Variants in MAP7D1 observed in about 807,000 individuals in gnomAD.
MAP7D1 encodes the protein MAP7 domain containing 1, also known as MAP7 domain-containing protein 1.
MAP7D1 carries 30 observed loss-of-function variants against 97.5 expected under a neutral mutation model. The observed-to-expected ratio is 0.31, with a 90% CI of 0.23 to 0.42. The LOEUF (loss-of-function observed/expected upper bound fraction) is 0.42. Among genes scored for constraint, MAP7D1 ranks in the 10% least tolerant of loss-of-function variants. MAP7D1 has a pLI of 1.00. For synonymous variants in MAP7D1, 536 were observed against 477.1 expected (o/e 1.12, Z -1.61); for missense variants, 1,184 against 1,179.5 (o/e 1.00, Z -0.06).
In MAP7D1 at chr1:36,179,692, TC is replaced by T; in HGVS notation, c.2258del (p.Pro753GlnfsTer32). On this transcript the variant is annotated frameshift_variant, in exon 15 of 17. Transcript: ENST00000474796. LOFTEE classifies it high-confidence loss of function. ...PEPVKAVEAR[S>X]PGLQKEAVQK... ...GCCTGTGAAAGCTGTGGAGGCTCGG[TC>T]CCCAGGGCTGCAGAAGGAGGCTGTG... is the stretch of plus-strand genomic sequence containing the variant. The T allele has an allele frequency of 6.6e-7, 1 of 1,517,870 alleles. No homozygotes were observed. Among genetic ancestry groups the T allele is most frequent in the Non-Finnish European group, 8.8e-7 (1 of 1,132,322 alleles). The allele number at this position is 1,517,870 out of a possible 1,614,324, so 94.0% of individuals were successfully genotyped here. A position where few individuals can be genotyped will look rare whatever the true frequency, so the allele number is the denominator to read the frequency against.
At chr1:36,164,790 A>C (rs940056186) in intron 1 of MAP7D1, among the ~76,000 whole-genome samples, 1 of 152,176 alleles carries the variant, frequency 6.6e-6, no homozygotes, top group African/African-American at 2.4e-5. Context: ...TGCTCAGTGG[A>C]GCAGAGAGTG....
At chr1:36,168,319 T>C (rs1471546870) in intron 1 of MAP7D1, among the ~76,000 whole-genome samples, 1 of 149,040 alleles carries the variant, frequency 6.7e-6, no homozygotes, top group Non-Finnish European at 1.5e-5. Context: ...AAAGCCCAAC[T>C]CTGCCACATA....
intron 6 of MAP7D1, 33 bp downstream of exon 6, chr1:36,175,041 G>C: frequency 1.4e-6 from 2 of 1,420,518 alleles, no homozygotes; most frequent in Non-Finnish European, 2.0e-6. Context: ...CCCCTCCAGA[G>C]CCCCTTGTAG....
intron 6 of MAP7D1, among the ~76,000 whole-genome samples, chr1:36,175,950 G>A (rs1644611668): frequency 6.6e-6 from 1 of 152,214 alleles, no homozygotes; most frequent in African/African-American, 2.4e-5. Flanking sequence ...TTCACCTGGG[G>A]AGCGTTGTAG....
chr1:36,161,187 G>A (rs1212487583), intron 1 of MAP7D1, among the ~76,000 whole-genome samples: 2 of 152,206 alleles, frequency 1.3e-5, no homozygotes, highest in African/African-American at 2.4e-5. Context: ...TGGTCCCAGT[G>A]CCCCACTGCC....
intron 1 of MAP7D1, among the ~76,000 whole-genome samples, 184 bp downstream of exon 1, chr1:36,156,647 GC>G (rs1644334338): frequency 6.6e-6 from 1 of 152,110 alleles, no homozygotes; most frequent in Non-Finnish European, 1.5e-5. Context: ...TCTGACAGCT[GC>G]CCCCTCCCCC....
At chr1:36,164,617 G>A (rs374650105) in intron 1 of MAP7D1, among the ~76,000 whole-genome samples, 2 of 152,172 alleles carry the variant, frequency 1.3e-5, no homozygotes, top group Non-Finnish European at 2.9e-5. Context: ...GAGAGCAAGC[G>A]GGGAGCAGGG....
At position 36,159,239 on chromosome 1, in the gene MAP7D1, G is replaced by T. The variant is rs1451987561; in HGVS notation, c.46+2776G>T. ...CGCCCGGCTAATTTTTGTATTTTTA[G>T]TAGAGACAGGGTTTTGCCACATTGG... On this transcript the variant is annotated intron_variant, in intron 1 of 16. Transcript: ENST00000474796. The surrounding 1 kb of genome is among the most constrained non-coding windows in gnomAD (Gnocchi z 5.4). 6.6e-6 allele frequency among the ~76,000 whole-genome samples: 1 copy of T among 152,120 alleles called. No individual in the cohort carries two copies. The highest frequency in any genetic ancestry group is 1.5e-5 in the Non-Finnish European group (1 of 68,024).
rs1438090593 is a variant in MAP7D1 at position 36,180,298 on chromosome 1, C to T, written c.*40C>T. On this transcript the variant is annotated 3_prime_UTR_variant, in exon 17 of 17. Transcript: ENST00000474796. ...GATCCGGGCACAGTTGTGAGGGCTC[C>T]TCTGCATCACCTACCAGGATGTCTG... 2.5e-6 allele frequency: 4 copies of T among 1,613,582 alleles called. No individual in the cohort carries two copies. The highest frequency in any genetic ancestry group is 2.2e-5 in the East Asian group (1 of 44,876).
intron 1 of MAP7D1, among the ~76,000 whole-genome samples, chr1:36,167,322 C>T (rs562776258): frequency 2.5e-4 from 38 of 152,218 alleles, no homozygotes; most frequent in Non-Finnish European, 3.7e-4. Context: ...GACAGTGTTT[C>T]AAGGAGCAGT....
At chr1:36,161,716 G>C (rs990853262) in intron 1 of MAP7D1, among the ~76,000 whole-genome samples, 1 of 152,202 alleles carries the variant, frequency 6.6e-6, no homozygotes, top group Admixed American at 6.5e-5. Context: ...TAAATATTCC[G>C]GGGACATTGT....
intron 6 of MAP7D1, among the ~76,000 whole-genome samples, chr1:36,175,722 G>A (rs1238330056): frequency 6.6e-6 from 1 of 152,200 alleles, no homozygotes; most frequent in African/African-American, 2.4e-5. Context: ...CCTAGGGCAG[G>A]CAGGCACCCT....
chr1:36,178,789 C>T lies in MAP7D1; in HGVS notation c.1991C>T (p.Ala664Val). 6.5e-7 allele frequency: 1 copy of T among 1,547,370 alleles called. No individual in the cohort carries two copies. The highest frequency in any genetic ancestry group is 2.5e-5 in the East Asian group (1 of 40,796). ...EEQEAREKAQ[A>V]EQEEQERLQK... ...CAGGAGGCACGAGAGAAGGCGCAGG[C>T]CGAGCAGGAGGAGCAGGAGCGGCTG... Residue 664 changes from alanine to valine, a missense_variant, in exon 11 of 17, where the codon GCC becomes GTC. Physicochemically the swap from Ala to Val is moderately conservative, Grantham distance 64 (BLOSUM62 0). Coordinates refer to ENST00000474796, the MANE Select transcript of MAP7D1 (RefSeq NM_001388490.1).
chr1:36,179,326 C>T lies in MAP7D1; in HGVS notation c.2184+11C>T. On this transcript the variant is annotated intron_variant, in intron 13 of 16. Transcript: ENST00000474796. Reference sequence around the variant, plus strand: ...GTTTCTGAAACCAAGGTCAGAATTCCCCCGAAGGGCAGTGCTGGGCGTGGG... The same window carrying T: ...GTTTCTGAAACCAAGGTCAGAATTCTCCCGAAGGGCAGTGCTGGGCGTGGG... 11 of 1,613,908 alleles carry T rather than the reference C, an allele frequency of 6.8e-6. No individual in the cohort carries two copies. Among genetic ancestry groups the T allele is most frequent in the Non-Finnish European group, 7.6e-6 (9 of 1,179,900 alleles).
chr1:36,160,132 G>A (rs1346206311), intron 1 of MAP7D1, among the ~76,000 whole-genome samples: 2 of 152,246 alleles, frequency 1.3e-5, no homozygotes, highest in African/African-American at 4.8e-5. Flanking sequence ...CCACAGGGCA[G>A]CTGGGACCCA....
Position 36,172,565 on chromosome 1 carries a change from A to G in MAP7D1, c.562A>G (p.Lys188Glu), listed in dbSNP as rs1240185318. 1 of 1,600,118 alleles carries G rather than the reference A, an allele frequency of 6.2e-7. No individual in the cohort carries two copies. The highest frequency in any genetic ancestry group is 8.6e-7 in the Non-Finnish European group (1 of 1,168,982). The change falls in exon 4 of 17, where the codon AAA becomes GAA. Residue 188 changes from lysine (K) to glutamate (E), a missense_variant. Lys to Glu is a moderately conservative substitution (Grantham distance 56). Coordinates refer to ENST00000474796, the MANE Select transcript of MAP7D1 (RefSeq NM_001388490.1). ...RRRRLEEQRL[K>E]AEQRRAALEE... ...GCGCCGGCTGGAGGAGCAACGTCTTAAAGCCGAGCAACGCCGTGCAGCCCT... is the reference window on the plus strand; with the variant it reads ...GCGCCGGCTGGAGGAGCAACGTCTTGAAGCCGAGCAACGCCGTGCAGCCCT...
chr1:36,180,194 A>G, intron 16 of MAP7D1, 54 bp from the exon 17 acceptor site: 2 of 1,613,542 alleles, frequency 1.2e-6, no homozygotes, highest in Middle Eastern at 1.7e-4. Flanking sequence ...ACCCCCAGCT[A>G]TCTGGGCTTG....
In MAP7D1 at chr1:36,180,312, C is replaced by T; in HGVS notation, c.*54C>T. The T allele has an allele frequency of 6.2e-7, 1 of 1,611,974 alleles. No homozygotes were observed. The highest frequency in any genetic ancestry group is 8.5e-7 in the Non-Finnish European group (1 of 1,178,026). On this transcript the variant is annotated 3_prime_UTR_variant, in exon 17 of 17. Coordinates refer to ENST00000474796, the MANE Select transcript of MAP7D1 (RefSeq NM_001388490.1). ...TGTGAGGGCTCCTCTGCATCACCTA[C>T]CAGGATGTCTGGAGGAGAAAAAGAC... is the stretch of plus-strand genomic sequence containing the variant.
intron 1 of MAP7D1, 90 bp downstream of exon 1, chr1:36,156,553 C>T: frequency 9.3e-7 from 1 of 1,074,632 alleles, no homozygotes; most frequent in Non-Finnish European, 1.2e-6. Context: ...GGGCGGGGAC[C>T]CCTCCGCTGC....
Sources: allele counts gnomAD v4.1 joint callset (sites outside exome capture counted in the v4.1 genomes callset), GRCh38; gene constraint gnomAD v4.1.1; non-coding constraint Gnocchi (gnomAD v3.1); transcripts MANE v1.5; gene names NCBI Gene and HGNC (gene_info 2026-07-23, HGNC 2026-07-21).